The following PRRG3 variants were observed in gnomAD, a reference collection of about 807,000 sequenced individuals.
PRRG3 encodes transmembrane gamma-carboxyglutamic acid protein 3.
PRRG3 carries 21 observed loss-of-function variants against 15.8 expected under a neutral mutation model. That is an observed-to-expected ratio of 1.33 (90% confidence interval 0.94 to 1.92). The LOEUF is 1.92. PRRG3 is among the 40% of genes most tolerant of loss of function. The pLI is 0.00. For synonymous variants in PRRG3, 125 were observed against 84.1 expected (o/e 1.49, Z -2.66); for missense variants, 251 against 200.2 (o/e 1.25, Z -1.53).
chrX:151,699,930 G>C, intron 2 of PRRG3, 66 bp from the exon 3 acceptor site: 2 of 1,073,939 alleles, frequency 1.9e-6, no homozygotes, highest in Non-Finnish European at 1.3e-6. Flanking sequence ...TTGCTGGGCT[G>C]GGCCTGGTTT....
rs1164845226 is a variant in PRRG3 at position 151,703,572 on chromosome X, G to T, written c.*2539G>T. 9.1e-6 allele frequency: 1 copy of T among 109,831 alleles called. No homozygotes were observed. Among genetic ancestry groups the T allele is most frequent in the South Asian group, 3.9e-4 (1 of 2,559 alleles). 9.1% of individuals were successfully genotyped at this position (109,831 alleles called of 1,213,427 possible). A position where few individuals can be genotyped will look rare whatever the true frequency, so the allele number is the denominator to read the frequency against. ...GCTATATTTGTACCAGGAGGGATCC[G>T]GTCTGAAAAGAGGAATGTCACCTCC... On this transcript the variant is annotated 3_prime_UTR_variant, in exon 4 of 4. Coordinates refer to ENST00000674457, the MANE Select transcript of PRRG3 (RefSeq NM_001372163.1).
rs2014963976 is a variant in PRRG3, at chrX:151,705,846, G to A, written c.*4813G>A. On this transcript the variant is annotated 3_prime_UTR_variant, in exon 4 of 4. Coordinates refer to ENST00000674457, the MANE Select transcript of PRRG3 (RefSeq NM_001372163.1). ...TCTCTCTCTCTTTCTTTTTATAATT[G>A]TTGAATTTGGCTGTTACATTTTGTC... is the stretch of plus-strand genomic sequence containing the variant. The A allele has an allele frequency of 8.9e-6, 1 of 112,498 alleles. No homozygotes were observed. The highest frequency in any genetic ancestry group is 3.3e-5 in the African/African-American group (1 of 30,658). 9.3% of individuals were successfully genotyped at this position (112,498 alleles called of 1,213,427 possible).
chrX:151,700,864 A>G lies in PRRG3; in HGVS notation c.527A>G (p.Tyr176Cys), dbSNP rs765695965. Residue 176 changes from tyrosine (Y) to cysteine (C), a missense_variant, in exon 4 of 4, where the codon TAC becomes TGC. Coordinates refer to ENST00000674457, the MANE Select transcript of PRRG3 (RefSeq NM_001372163.1). ...ACAGTCCGGCTAGAGAGCACCCTCT[A>G]CCTCCCTGAGCTCTCTCTCTCCAGA... The part of the protein sequence containing the change: ...RTTVRLESTL[Y>C]LPELSLSRLS... 3 of 1,202,466 alleles carry G rather than the reference A, an allele frequency of 2.5e-6. No homozygotes were observed. The highest frequency in any genetic ancestry group is 1.8e-5 in the African/African-American group (1 of 55,264).
intron 1 of PRRG3, among the ~76,000 whole-genome samples, chrX:151,695,888 G>A (rs2014751765): frequency 1.8e-5 from 2 of 111,562 alleles, no homozygotes; most frequent in African/African-American, 3.3e-5. Flanking sequence ...TCAGTTCTGA[G>A]GGATGGAAAT....
Position 151,702,011 on chromosome X carries a change from G to C in PRRG3, c.*978G>C, listed in dbSNP as rs774037867. On this transcript the variant is annotated 3_prime_UTR_variant, in exon 4 of 4. Coordinates refer to ENST00000674457, the MANE Select transcript of PRRG3 (RefSeq NM_001372163.1). Reference sequence around the variant, plus strand: ...TGGCCTGGGGTTGAAGGCCCATATGGGGTTTGCTCTGCTGTTGCCAGGTGC... The same window carrying C: ...TGGCCTGGGGTTGAAGGCCCATATGCGGTTTGCTCTGCTGTTGCCAGGTGC... 5.3e-5 allele frequency: 6 copies of C among 112,245 alleles called. No individual in the cohort carries two copies. The highest frequency in any genetic ancestry group is 1.9e-4 in the African/African-American group (6 of 30,877). 9.3% of individuals were successfully genotyped at this position (112,245 alleles called of 1,213,427 possible). A position where few individuals can be genotyped will look rare whatever the true frequency, so the allele number is the denominator to read the frequency against.
At chrX:151,697,367 T>C (rs1044081325) in intron 1 of PRRG3, among the ~76,000 whole-genome samples, 11 of 110,153 alleles carry the variant, frequency 1.0e-4, no homozygotes, top group Non-Finnish European at 1.7e-4. Context: ...TCACCATTTT[T>C]TGGTCAAGCC....
intron 1 of PRRG3, among the ~76,000 whole-genome samples, chrX:151,695,870 C>T (rs1231181202): frequency 9.0e-6 from 1 of 111,145 alleles, no homozygotes; most frequent in East Asian, 2.8e-4. Context: ...AGAACCCTTT[C>T]CTGGCGATCA....
chrX:151,699,882 C>T, intron 2 of PRRG3, 114 bp from the exon 3 acceptor site: 1 of 775,833 alleles, frequency 1.3e-6, no homozygotes, highest in South Asian at 2.9e-5. Context: ...GTCTTGCCTG[C>T]TCACTCGGCC....
rs1219826611 is a variant in PRRG3 at position 151,704,599 on chromosome X, CG to C, written c.*3568del. ...TCATGGAGAGAGTCTCTCTCGCTCA[CG>C]GAGGCTCTGTCTTTCTAGGAGTATG... is the stretch of plus-strand genomic sequence containing the variant. On this transcript the variant is annotated 3_prime_UTR_variant, in exon 4 of 4. Coordinates refer to ENST00000674457, the MANE Select transcript of PRRG3 (RefSeq NM_001372163.1). The C allele has an allele frequency of 1.8e-5, 2 of 111,160 alleles. No homozygotes were observed. Among genetic ancestry groups the C allele is most frequent in the African/African-American group, 6.6e-5 (2 of 30,475 alleles). The allele number at this position is 111,160 out of a possible 1,213,427, so 9.2% of individuals were successfully genotyped here. A position where few individuals can be genotyped will look rare whatever the true frequency, so the allele number is the denominator to read the frequency against.
rs779845083 is a variant in PRRG3 at position 151,700,528 on chromosome X, C to G, written c.191C>G (p.Pro64Arg). The G allele has an allele frequency of 1.7e-6, 2 of 1,189,201 alleles. No individual in the cohort carries two copies. The highest frequency in any genetic ancestry group is 4.6e-5 in the Admixed American group (2 of 43,827). The change falls in exon 4 of 4, where the codon CCA becomes CGA. Residue 64 changes from proline to arginine, a missense_variant. Transcript: ENST00000674457. ...EKTMEFWKGYPNAVYSVRDPS... is the reference protein window; with the variant it reads ...EKTMEFWKGYRNAVYSVRDPS... Reference sequence around the variant, plus strand: ...CAGATGGAGTTCTGGAAAGGGTACCCAAATGCAGTCTACTCTGTCCGAGAC... The same window carrying G: ...CAGATGGAGTTCTGGAAAGGGTACCGAAATGCAGTCTACTCTGTCCGAGAC...
At position 151,703,927 on chromosome X, in the gene PRRG3, TGTG is replaced by T. The variant is rs1569423140; in HGVS notation, c.*2895_*2897del. Reference sequence around the variant, plus strand: ...TTTTTTTTTTTTGTGTGTGTGTGTGTGTGTGTGTGTGTGTGTGTGTGTGTGTAT... The same window carrying T: ...TTTTTTTTTTTTGTGTGTGTGTGTGTTGTGTGTGTGTGTGTGTGTGTGTAT... On this transcript the variant is annotated 3_prime_UTR_variant, in exon 4 of 4. Transcript: ENST00000674457. 0.026 allele frequency: 2,107 copies of T among 79,513 alleles called. 136 individuals are homozygous for T. Among genetic ancestry groups the T allele is most frequent in the African/African-American group, 0.1 (1,961 of 19,676 alleles). 6.6% of individuals were successfully genotyped at this position (79,513 alleles called of 1,213,427 possible). A position where few individuals can be genotyped will look rare whatever the true frequency, so the allele number is the denominator to read the frequency against.
rs2014882302 is a variant in PRRG3, at chrX:151,701,353, G to A, written c.*320G>A. ...TATGCCAAAGGAATAACCCCATTGA[G>A]TTGATTGTGGCCAGAATGTCCACAG... is the stretch of plus-strand genomic sequence containing the variant. On this transcript the variant is annotated 3_prime_UTR_variant, in exon 4 of 4. Transcript: ENST00000674457. The A allele has an allele frequency of 5.5e-6, 1 of 182,608 alleles. No individual in the cohort carries two copies. Among genetic ancestry groups the A allele is most frequent in the Non-Finnish European group, 1.0e-5 (1 of 97,616 alleles). 15.0% of individuals were successfully genotyped at this position (182,608 alleles called of 1,213,427 possible).
In PRRG3 at chrX:151,705,063, G is replaced by T; in HGVS notation, c.*4030G>T. Reference sequence around the variant, plus strand: ...CAAAGAAAAGGCTCAAGATATTAAGGATCCCTTCACCGTGCCTTCAGCTTT... The same window carrying T: ...CAAAGAAAAGGCTCAAGATATTAAGTATCCCTTCACCGTGCCTTCAGCTTT... On this transcript the variant is annotated 3_prime_UTR_variant, in exon 4 of 4. Coordinates refer to ENST00000674457, the MANE Select transcript of PRRG3 (RefSeq NM_001372163.1). 5.3e-6 allele frequency: 1 copy of T among 190,139 alleles called. No homozygotes were observed. Among genetic ancestry groups the T allele is most frequent in the African/African-American group, 3.0e-5 (1 of 33,644 alleles). 15.7% of individuals were successfully genotyped at this position (190,139 alleles called of 1,213,427 possible). A position where few individuals can be genotyped will look rare whatever the true frequency, so the allele number is the denominator to read the frequency against.
At chrX:151,698,665 G>C in intron 1 of PRRG3, 119 bp from the exon 2 acceptor site, 1 of 485,817 alleles carries the variant, frequency 2.1e-6, no homozygotes, top group Admixed American at 3.4e-5. Context: ...CACCCCACAA[G>C]GTGCTGCTTC....
Position 151,701,138 on chromosome X carries a change from T to C in PRRG3, c.*105T>C. 1.3e-6 allele frequency: 1 copy of C among 759,333 alleles called. No homozygotes were observed. Among genetic ancestry groups the C allele is most frequent in the Non-Finnish European group, 1.8e-6 (1 of 563,328 alleles). 62.6% of individuals were successfully genotyped at this position (759,333 alleles called of 1,213,427 possible). Reference sequence around the variant, plus strand: ...CCACCACAAAACAGCCTTAGCCTCCTTGTTGCCAAATAATTCCCTAACTGT... The same window carrying C: ...CCACCACAAAACAGCCTTAGCCTCCCTGTTGCCAAATAATTCCCTAACTGT... On this transcript the variant is annotated 3_prime_UTR_variant, in exon 4 of 4. Transcript: ENST00000674457.
rs938917915 is a variant in PRRG3 at position 151,702,779 on chromosome X, GT to G, written c.*1749del. The G allele has an allele frequency of 8.9e-6, 1 of 111,738 alleles. No homozygotes were observed. The highest frequency in any genetic ancestry group is 3.3e-5 in the African/African-American group (1 of 30,684). 9.2% of individuals were successfully genotyped at this position (111,738 alleles called of 1,213,427 possible). Reference sequence around the variant, plus strand: ...GAATGCAGGTGACATTCTACCTTTCGTTTCCTTGTCTTTCCCTCCCCTGGGC... The same window carrying G: ...GAATGCAGGTGACATTCTACCTTTCGTTCCTTGTCTTTCCCTCCCCTGGGC... On this transcript the variant is annotated 3_prime_UTR_variant, in exon 4 of 4. Transcript: ENST00000674457.
rs1313899478 is a variant in PRRG3 at position 151,704,846 on chromosome X, CT to C, written c.*3814del. On this transcript the variant is annotated 3_prime_UTR_variant, in exon 4 of 4. Coordinates refer to ENST00000674457, the MANE Select transcript of PRRG3 (RefSeq NM_001372163.1). ...CTAATTTAAAAGTACGGTAATCAGA[CT>C]GCTTGCAACTATTTTAAAAGCCCAT... The C allele has an allele frequency of 8.0e-5, 9 of 112,725 alleles. No homozygotes were observed. Among genetic ancestry groups the C allele is most frequent in the African/African-American group, 2.7e-4 (8 of 29,617 alleles). 9.3% of individuals were successfully genotyped at this position (112,725 alleles called of 1,213,427 possible). A position where few individuals can be genotyped will look rare whatever the true frequency, so the allele number is the denominator to read the frequency against.
upstream of PRRG3, among the ~76,000 whole-genome samples, chrX:151,694,932 C>T (rs1441960876): frequency 9.0e-6 from 1 of 110,618 alleles, no homozygotes; most frequent in African/African-American, 3.2e-5. Context: ...AGTCAGGCCC[C>T]GCCCCCCGGC....
chrX:151,701,642 A>G lies in PRRG3; in HGVS notation c.*609A>G, dbSNP rs986734775. 8.9e-6 allele frequency: 1 copy of G among 112,585 alleles called. No individual in the cohort carries two copies. Among genetic ancestry groups the G allele is most frequent in the East Asian group, 2.8e-4 (1 of 3,558 alleles). 9.3% of individuals were successfully genotyped at this position (112,585 alleles called of 1,213,427 possible). On this transcript the variant is annotated 3_prime_UTR_variant, in exon 4 of 4. Coordinates refer to ENST00000674457, the MANE Select transcript of PRRG3 (RefSeq NM_001372163.1). ...TAGGAGGCCAAGGGAAATTTATCAC[A>G]TGGATCTGTGATGTCCGCCTCCCCT...
Sources: gnomAD v4.1 joint callset for allele counts (sites outside exome capture counted in the v4.1 genomes callset) on GRCh38, gnomAD v4.1.1 for gene constraint, MANE v1.5 for transcripts, NCBI Gene and HGNC (gene_info 2026-07-23, HGNC 2026-07-21) for gene names.